Variants in FAM107B observed in about 807,000 individuals in gnomAD.
The protein encoded by FAM107B is protein FAM107B.
Under a neutral mutation model 31.5 loss-of-function variants are expected in FAM107B, and 21 were observed. The ratio of observed to expected loss-of-function variants is 0.67; its 90% confidence interval spans 0.47 to 0.96. The LOEUF (loss-of-function observed/expected upper bound fraction) is 0.96. Among genes scored for constraint, FAM107B ranks in the 40% least tolerant of loss-of-function variants. FAM107B has a pLI of 0.00. For synonymous variants in FAM107B, 157 were observed against 141.5 expected (o/e 1.11, Z -0.78); for missense variants, 452 against 377.1 (o/e 1.20, Z -1.64).
intron 2 of FAM107B, among the ~76,000 whole-genome samples, chr10:14,604,843 C>CTCTCATTCTCTCCCTCAT (rs1370296329): frequency 6.0e-5 from 9 of 150,698 alleles, no homozygotes; most frequent in Admixed American, 4.6e-4. Flanking sequence ...GTCTCTCTTT[C>CTCTCATTCTCTCCCTCAT]TCTCATTCTC....
At chr10:14,672,575 A>G (rs748224023) in intron 1 of FAM107B, among the ~76,000 whole-genome samples, 2 of 152,152 alleles carry the variant, frequency 1.3e-5, no homozygotes, top group Non-Finnish European at 2.9e-5. Flanking sequence ...ATAGTTTATA[A>G]CCTGATGGGA....
chr10:14,558,131 A>G lies in FAM107B; in HGVS notation c.470-27616T>C, dbSNP rs561473228. Among the ~76,000 whole-genome samples the G allele has an allele frequency of 2.6e-4, 39 of 152,350 alleles. 1 individual carries two copies. The highest frequency in any genetic ancestry group is 1.4e-3 in the South Asian group (7 of 4,832). ...GGACTACTCCATTAAATGCACCGCC[A>G]GACTTGGGCATTCATGACACAACCC... is the stretch of plus-strand genomic sequence containing the variant. On this transcript the variant is annotated intron_variant, in intron 2 of 4. Transcript: ENST00000181796.
intron 2 of FAM107B, among the ~76,000 whole-genome samples, chr10:14,588,522 C>CCT (rs1289272495): frequency 6.6e-6 from 1 of 152,186 alleles, no homozygotes; most frequent in African/African-American, 2.4e-5. Context: ...AAGCCAGCTT[C>CCT]ACACAGGTAA....
intron 2 of FAM107B, among the ~76,000 whole-genome samples, chr10:14,599,366 A>C (rs1852291025): frequency 6.6e-6 from 1 of 152,158 alleles, no homozygotes; most frequent in South Asian, 2.1e-4. Flanking sequence ...CTTACACCCC[A>C]GTCTCTCTGC....
At chr10:14,743,544 G>A (rs1400626499) in intron 1 of FAM107B, among the ~76,000 whole-genome samples, 1 of 152,108 alleles carries the variant, frequency 6.6e-6, no homozygotes, top group Admixed American at 6.6e-5. Flanking sequence ...ATATAAGGAA[G>A]GGGATCCAGT....
chr10:14,585,307 C>A (rs1211947628), intron 2 of FAM107B, among the ~76,000 whole-genome samples: 2 of 152,204 alleles, frequency 1.3e-5, no homozygotes, highest in Non-Finnish European at 2.9e-5. Flanking sequence ...CCCACCTCAG[C>A]CCCCTCCACT....
At chr10:14,685,743 G>C (rs1183494195) in intron 1 of FAM107B, among the ~76,000 whole-genome samples, 6 of 152,082 alleles carry the variant, frequency 3.9e-5, no homozygotes, top group African/African-American at 1.4e-4. Flanking sequence ...TCTGAGTTTG[G>C]GTTTTATATC....
At chr10:14,756,806 T>G (rs907665142) in intron 1 of FAM107B, among the ~76,000 whole-genome samples, 2 of 152,202 alleles carry the variant, frequency 1.3e-5, no homozygotes, top group Admixed American at 1.3e-4. Context: ...GTGGTATATA[T>G]GCACCATGGA....
chr10:14,626,579 C>G (rs1371687190), intron 2 of FAM107B, among the ~76,000 whole-genome samples: 2 of 148,978 alleles, frequency 1.3e-5, no homozygotes, highest in African/African-American at 4.9e-5. Flanking sequence ...GCTCGACTCA[C>G]TGCAAGCTCC....
rs115137373 is a variant in FAM107B, at chr10:14,735,038, A to T, written c.411+39215T>A. Among the ~76,000 whole-genome samples, 861 of 152,312 alleles carry T rather than the reference A, an allele frequency of 5.7e-3. 10 individuals carry two copies. Among genetic ancestry groups the T allele is most frequent in the African/African-American group, 0.019 (775 of 41,570 alleles). ...GCCACACTTGCAGGTGTCCAGCAAG[A>T]TGTCATCCACCTGCTGTCTCCAGGC... On this transcript the variant is annotated intron_variant, in intron 1 of 4. Transcript: ENST00000181796.
At chr10:14,671,486 G>A (rs563690159) in intron 1 of FAM107B, among the ~76,000 whole-genome samples, 29 of 152,228 alleles carry the variant, frequency 1.9e-4, no homozygotes, top group African/African-American at 6.7e-4. Context: ...TGATGCAAAT[G>A]GCACGAGCTT....
rs534668103 is a variant in FAM107B, at chr10:14,699,203, C to G, written c.412-31512G>C. Among the ~76,000 whole-genome samples, 71 of 152,230 alleles carry G rather than the reference C, an allele frequency of 4.7e-4. No individual in the cohort carries two copies. In the South Asian group the frequency reaches 0.014, roughly 29 times the overall value. On this transcript the variant is annotated intron_variant, in intron 1 of 4. Transcript: ENST00000181796. ...GTATGGACCATGCTGTATTAAACAG[C>G]GTTCCCCCAGAGGAATAGAACAAAG...
At chr10:14,525,762 A>G (rs187996911) in intron 3 of FAM107B, among the ~76,000 whole-genome samples, 62 of 152,342 alleles carry the variant, frequency 4.1e-4, no homozygotes, top group Middle Eastern at 3.4e-3. Flanking sequence ...GCACACTTCT[A>G]CAAGTATTTC....
At chr10:14,583,337 G>A (rs143860497) in intron 2 of FAM107B, among the ~76,000 whole-genome samples, 6 of 152,176 alleles carry the variant, frequency 3.9e-5, no homozygotes, top group East Asian at 1.9e-4. Context: ...GGGCCCTCGC[G>A]GGGCAGAGTC....
chr10:14,751,015 C>T (rs766424131), intron 1 of FAM107B, among the ~76,000 whole-genome samples: 10 of 152,184 alleles, frequency 6.6e-5, no homozygotes, highest in South Asian at 2.1e-4. Context: ...AGGAGCAGAC[C>T]TGCCCAAGGC....
chr10:14,772,452 A>C (rs1833328841), intron 1 of FAM107B, among the ~76,000 whole-genome samples: 1 of 151,890 alleles, frequency 6.6e-6, no homozygotes, highest in Non-Finnish European at 1.5e-5. Context: ...AGCGAACTAC[A>C]AGTGCTCTGC....
intron 1 of FAM107B, among the ~76,000 whole-genome samples, chr10:14,711,350 AG>A: frequency 6.6e-6 from 1 of 152,362 alleles, no homozygotes; most frequent in South Asian, 2.1e-4. Context: ...CAGTCCTGCA[AG>A]CTCCATTCAT....
chr10:14,622,751 G>A (rs1853046868), intron 2 of FAM107B, among the ~76,000 whole-genome samples: 1 of 152,202 alleles, frequency 6.6e-6, no homozygotes, highest in Non-Finnish European at 1.5e-5. Context: ...GAAACATAAT[G>A]TATGCCCTAA....
chr10:14,551,869 A>G (rs1278151817), intron 2 of FAM107B, among the ~76,000 whole-genome samples: 1 of 152,034 alleles, frequency 6.6e-6, no homozygotes, highest in Non-Finnish European at 1.5e-5. Context: ...GTTCTCCCCC[A>G]AAAAGGCTTC....
Sources: gnomAD v4.1 joint callset for allele counts (sites outside exome capture counted in the v4.1 genomes callset) on GRCh38, gnomAD v4.1.1 for gene constraint, MANE v1.5 for transcripts, NCBI Gene and HGNC (gene_info 2026-07-23, HGNC 2026-07-21) for gene names.